SAR1B: variants seen among roughly 807,000 people sequenced by gnomAD.
SAR1B encodes small COPII coat GTPase SAR1B.
A neutral mutation model predicts 26.8 loss-of-function variants in SAR1B; 23 were observed. The observed-to-expected ratio is 0.86, with a 90% CI of 0.62 to 1.22. The LOEUF (loss-of-function observed/expected upper bound fraction) is 1.22, where lower values mean the gene tolerates loss of function less well. SAR1B is among the 50% of genes most tolerant of loss of function. SAR1B has a pLI of 0.00. For synonymous variants in SAR1B, 65 were observed against 80.8 expected (o/e 0.80, Z 1.05); for missense variants, 196 against 232.8 (o/e 0.84, Z 1.03).
Position 134,606,702 on chromosome 5 carries a change from G to A in SAR1B, c.*248C>T, listed in dbSNP as rs760402989. 2.3e-6 allele frequency: 1 copy of A among 440,794 alleles called. No individual in the cohort carries two copies. Among genetic ancestry groups the A allele is most frequent in the South Asian group, 2.2e-5 (1 of 45,426 alleles). The allele number at this position is 440,794 out of a possible 1,614,324, so 27.3% of individuals were successfully genotyped here. On this transcript the variant is annotated 3_prime_UTR_variant, in exon 7 of 7. Coordinates refer to ENST00000402673, the MANE Select transcript of SAR1B (RefSeq NM_016103.4). ...GTTGCTCTTTACAAATGGCGCTGGG[G>A]TGATGTCAGATTATAAACTGTAAAA...
At chr5:134,608,034 CAG>C (rs1765157638) in intron 6 of SAR1B, among the ~76,000 whole-genome samples, 1 of 152,172 alleles carries the variant, frequency 6.6e-6, no homozygotes, top group African/African-American at 2.4e-5. Context: ...CTGGTAAACT[CAG>C]GGCCTAAACA....
chr5:134,612,683 A>AAAAATAAAAT lies in SAR1B; in HGVS notation c.244+7_244+8insATTTTATTTT. ...AAAAAAAAAAAAAAAAAAAAAAAAG[A>AAAAATAAAAT]ATCTTACCTTGAACATGTCCACCCA... On this transcript the variant is annotated splice_region_variant and intron_variant, in intron 4 of 6. Transcript: ENST00000402673. 9.5e-7 allele frequency: 1 copy of AAAAATAAAAT among 1,055,248 alleles called. No individual in the cohort carries two copies. The highest frequency in any genetic ancestry group is 1.3e-6 in the Non-Finnish European group (1 of 756,328). The allele number at this position is 1,055,248 out of a possible 1,614,324, so 65.4% of individuals were successfully genotyped here. A position where few individuals can be genotyped will look rare whatever the true frequency, so the allele number is the denominator to read the frequency against.
intron 4 of SAR1B, among the ~76,000 whole-genome samples, chr5:134,610,107 A>AT (rs1187907989): frequency 1.3e-5 from 2 of 151,636 alleles, no homozygotes; most frequent in Non-Finnish European, 1.5e-5. Context: ...TAGTTATCAG[A>AT]TTTTTTTTGC....
At chr5:134,632,370 G>C (rs1279228015) in intron 1 of SAR1B, among the ~76,000 whole-genome samples, 2 of 152,146 alleles carry the variant, frequency 1.3e-5, no homozygotes, top group Non-Finnish European at 1.5e-5. Context: ...GAAAACACCA[G>C]GCCGTGTCAC....
chr5:134,622,570 C>A (rs1765428534), intron 2 of SAR1B, among the ~76,000 whole-genome samples: 1 of 151,624 alleles, frequency 6.6e-6, no homozygotes, highest in Admixed American at 6.6e-5. Flanking sequence ...GCCACCATGC[C>A]TGTCTAATTT....
chr5:134,610,040 C>T (rs143067150), intron 4 of SAR1B, among the ~76,000 whole-genome samples: 2 of 151,260 alleles, frequency 1.3e-5, no homozygotes, highest in African/African-American at 4.9e-5. Flanking sequence ...ATTATATATA[C>T]ATAAAATGTG....
At chr5:134,609,528 C>T (rs761424266) in intron 5 of SAR1B, 43 bp downstream of exon 5, 1 of 1,500,028 alleles carries the variant, frequency 6.7e-7, no homozygotes, top group East Asian at 2.3e-5. Flanking sequence ...TGCAGGCTTA[C>T]CAGAGTGATT....
intron 4 of SAR1B, 150 bp from the exon 5 acceptor site, chr5:134,609,824 C>T (rs1732070680): frequency 1.4e-6 from 1 of 699,942 alleles, no homozygotes; most frequent in Non-Finnish European, 2.6e-6. Context: ...CCCAGTGGTG[C>T]CAAATTCTTC....
At chr5:134,624,627 T>G (rs1273170877) in intron 1 of SAR1B, among the ~76,000 whole-genome samples, 1 of 30,238 alleles carries the variant, frequency 3.3e-5, no homozygotes, top group African/African-American at 5.9e-5. Flanking sequence ...GGAAGTGAGT[T>G]TTTTTTTTTT....
At chr5:134,617,994 C>T (rs1010268370) in intron 3 of SAR1B, among the ~76,000 whole-genome samples, 1 of 151,648 alleles carries the variant, frequency 6.6e-6, no homozygotes, top group Non-Finnish European at 1.5e-5. Flanking sequence ...TCTTACTTGC[C>T]AAGCCCCACT....
rs993490233 is a variant in SAR1B at position 134,604,187 on chromosome 5, G to A, written c.*2763C>T. 6.6e-6 allele frequency: 1 copy of A among 152,200 alleles called. No individual in the cohort carries two copies. Among genetic ancestry groups the A allele is most frequent in the Non-Finnish European group, 1.5e-5 (1 of 68,032 alleles). The allele number at this position is 152,200 out of a possible 1,614,324, so 9.4% of individuals were successfully genotyped here. A position where few individuals can be genotyped will look rare whatever the true frequency, so the allele number is the denominator to read the frequency against. On this transcript the variant is annotated 3_prime_UTR_variant, in exon 7 of 7. Coordinates refer to ENST00000402673, the MANE Select transcript of SAR1B (RefSeq NM_016103.4). ...ACAGGTATGGGATCTCTTTAAAAGT[G>A]TAAAAGTGGGTTGAGACCTTATATT...
rs778699172 is a variant in SAR1B, at chr5:134,612,710, A to T, written c.225T>A (p.Asp75Glu). 6.5e-7 allele frequency: 1 copy of T among 1,543,516 alleles called. No homozygotes were observed. The highest frequency in any genetic ancestry group is 8.8e-7 in the Non-Finnish European group (1 of 1,133,478). ...TIAGMTFTTF[D>E]LGGHVQARRV... is the part of the protein sequence containing the mutation. Reference sequence around the variant, plus strand: ...TCTTACCTTGAACATGTCCACCCAGATCAAAAGTTGTAAACGTCATGCCAG... The same window carrying T: ...TCTTACCTTGAACATGTCCACCCAGTTCAAAAGTTGTAAACGTCATGCCAG... Residue 75 changes from aspartate to glutamate, a missense_variant, in exon 4 of 7, where the codon GAT (aspartate) becomes GAA (glutamate). Physicochemically the swap from Asp to Glu is conservative, Grantham distance 45. Transcript: ENST00000402673.
Position 134,623,957 on chromosome 5 carries a change from A to T in SAR1B, c.58+5T>A, listed in dbSNP as rs763843841. 3 of 1,595,908 alleles carry T rather than the reference A, an allele frequency of 1.9e-6. No homozygotes were observed. The highest frequency in any genetic ancestry group is 1.7e-5 in the Admixed American group (1 of 59,984). Reference sequence around the variant, plus strand: ...TAACTGTAGAGAACAAAGGACCAACATTACCTAAAAACTGTAGCACACTGC... The same window carrying T: ...TAACTGTAGAGAACAAAGGACCAACTTTACCTAAAAACTGTAGCACACTGC... On this transcript the variant is annotated splice_donor_5th_base_variant and intron_variant, in intron 2 of 6. Coordinates refer to ENST00000402673, the MANE Select transcript of SAR1B (RefSeq NM_016103.4).
chr5:134,619,082 C>A (rs1765361396), intron 3 of SAR1B, among the ~76,000 whole-genome samples: 2 of 151,786 alleles, frequency 1.3e-5, no homozygotes, highest in African/African-American at 4.8e-5. Context: ...GTAATCCCAG[C>A]ACTTTGGGAG....
At chr5:134,622,014 C>T (rs1447709100) in intron 2 of SAR1B, among the ~76,000 whole-genome samples, 1 of 152,156 alleles carries the variant, frequency 6.6e-6, no homozygotes, top group East Asian at 1.9e-4. Context: ...GTGAGCCACA[C>T]GCCCAGCCAA....
intron 3 of SAR1B, among the ~76,000 whole-genome samples, chr5:134,617,210 C>A (rs1187188681): frequency 6.6e-6 from 1 of 151,808 alleles, no homozygotes; most frequent in African/African-American, 2.4e-5. Flanking sequence ...CCAGCCTGGG[C>A]CACAGAGTGA....
At chr5:134,608,529 C>G (rs1339873848) in intron 5 of SAR1B, 26 bp from the exon 6 acceptor site, 1 of 1,604,558 alleles carries the variant, frequency 6.2e-7, no homozygotes, top group African/African-American at 1.3e-5. Flanking sequence ...CAATACAAAA[C>G]AAGAGTTGAT....
At chr5:134,620,284 C>T (rs973570650) in intron 3 of SAR1B, among the ~76,000 whole-genome samples, 7 of 149,894 alleles carry the variant, frequency 4.7e-5, no homozygotes, top group Admixed American at 1.3e-4. Flanking sequence ...CCAGCCTGGG[C>T]GACAGAGTGA....
At chr5:134,629,456 T>A (rs554047670) in intron 1 of SAR1B, among the ~76,000 whole-genome samples, 32 of 152,192 alleles carry the variant, frequency 2.1e-4, no homozygotes, top group Admixed American at 6.5e-4. Flanking sequence ...CCCAGCACTT[T>A]GGGAGGCCGA....
Sources: allele counts gnomAD v4.1 joint callset (sites outside exome capture counted in the v4.1 genomes callset), GRCh38; gene constraint gnomAD v4.1.1; transcripts MANE v1.5; gene names NCBI Gene and HGNC (gene_info 2026-07-23, HGNC 2026-07-21).